SLC27A2: variants seen among roughly 807,000 people sequenced by gnomAD.
SLC27A2 encodes the protein solute carrier family 27 member 2, also known as long-chain fatty acid transport protein 2.
A neutral mutation model predicts 60.0 loss-of-function variants in SLC27A2; 54 were observed. The ratio of observed to expected loss-of-function variants is 0.90; its 90% CI spans 0.72 to 1.13. SLC27A2 has a LOEUF of 1.13. Among genes scored for constraint, SLC27A2 ranks in the 50% most tolerant of loss-of-function variants. The pLI, the probability that SLC27A2 is intolerant of heterozygous loss-of-function variation, is 0.00. For missense variants in SLC27A2, 739 were observed against 777.6 expected (o/e 0.95, Z 0.59); for synonymous variants, 297 against 297.6 (o/e 1.00, Z 0.02).
intron 4 of SLC27A2, among the ~76,000 whole-genome samples, chr15:50,211,946 C>T (rs1053501525): frequency 6.6e-6 from 1 of 151,374 alleles, no homozygotes; most frequent in Non-Finnish European, 1.5e-5. Context: ...TGGCAGGCAC[C>T]TGTAGTCCCA....
intron 8 of SLC27A2, among the ~76,000 whole-genome samples, chr15:50,232,906 G>C (rs1170416570): frequency 1.3e-5 from 2 of 152,118 alleles, no homozygotes; most frequent in Non-Finnish European, 2.9e-5. Flanking sequence ...CGAAAGCTGG[G>C]GCCCAGGTAA....
chr15:50,219,709 A>G (rs906212549), intron 4 of SLC27A2, among the ~76,000 whole-genome samples: 1 of 152,148 alleles, frequency 6.6e-6, no homozygotes, highest in Non-Finnish European at 1.5e-5. Context: ...GTTCTTTAGA[A>G]ACAGGTCAAC....
In SLC27A2 at chr15:50,220,057, C is replaced by T. The variant is rs373671800; in HGVS notation, c.973-2908C>T. 5.9e-5 allele frequency among the ~76,000 whole-genome samples: 9 copies of T among 152,302 alleles called. No individual in the cohort carries two copies. The East Asian group carries it at 1.2e-3, about 20-fold the overall frequency. On this transcript the variant is annotated intron_variant, in intron 4 of 9. Coordinates refer to ENST00000267842, the MANE Select transcript of SLC27A2 (RefSeq NM_003645.4). Reference sequence around the variant, plus strand: ...GAGAACCAGACATCTTAGAAGCCTCCAGGATCTCCCATTTGTGCCCACAAA... The same window carrying T: ...GAGAACCAGACATCTTAGAAGCCTCTAGGATCTCCCATTTGTGCCCACAAA...
intron 2 of SLC27A2, among the ~76,000 whole-genome samples, 173 bp from the exon 3 acceptor site, chr15:50,202,314 C>G (rs1484650933): frequency 6.6e-6 from 1 of 152,232 alleles, no homozygotes; most frequent in African/African-American, 2.4e-5. Context: ...AAAACATTTA[C>G]TCCCTGGTCC....
chr15:50,205,829 T>A (rs2045108048), intron 4 of SLC27A2, among the ~76,000 whole-genome samples: 2 of 152,220 alleles, frequency 1.3e-5, no homozygotes, highest in Non-Finnish European at 2.9e-5. Flanking sequence ...CTTTGATGGC[T>A]GGAACCACAT....
At chr15:50,192,813 A>G (rs1350652653) in intron 1 of SLC27A2, among the ~76,000 whole-genome samples, 2 of 150,998 alleles carry the variant, frequency 1.3e-5, no homozygotes, top group African/African-American at 2.4e-5. Flanking sequence ...AAGAAGAAGT[A>G]CAGAAAAACT....
Position 50,227,146 on chromosome 15 carries a change from C to G in SLC27A2, c.1425C>G (p.Ile475Met). 1 of 1,614,096 alleles carries G rather than the reference C, an allele frequency of 6.2e-7. No individual in the cohort carries two copies. Among genetic ancestry groups the G allele is most frequent in the Non-Finnish European group, 8.5e-7 (1 of 1,179,958 alleles). ...DLLMVDHENFIYFHDRVGDTF... is the reference protein window; with the variant it reads ...DLLMVDHENFMYFHDRVGDTF... ...TAATGGTTGACCATGAAAATTTCATCTATTTCCACGACAGAGTTGGAGATA... is the reference window on the plus strand; with the variant it reads ...TAATGGTTGACCATGAAAATTTCATGTATTTCCACGACAGAGTTGGAGATA... The change falls in exon 7 of 10, where the codon ATC becomes ATG. Residue 475 changes from isoleucine to methionine, a missense_variant. Ile to Met is a conservative substitution (Grantham distance 10). Transcript: ENST00000267842.
rs979915614 is a variant in SLC27A2, at chr15:50,204,458, G to A, written c.848-781G>A. On this transcript the variant is annotated intron_variant, in intron 3 of 9. Coordinates refer to ENST00000267842, the MANE Select transcript of SLC27A2 (RefSeq NM_003645.4). Reference sequence around the variant, plus strand: ...GGCAATAGAGTGAGACCCGGGCCAGGTACGGTGGCTCACGCCTGTAATCTC... The same window carrying A: ...GGCAATAGAGTGAGACCCGGGCCAGATACGGTGGCTCACGCCTGTAATCTC... Among the ~76,000 whole-genome samples the A allele has an allele frequency of 4.0e-5, 6 of 151,686 alleles. No individual in the cohort carries two copies. In the East Asian group the frequency reaches 1.2e-3, roughly 30 times the overall value.
At chr15:50,224,207 G>A (rs573939514) in intron 5 of SLC27A2, among the ~76,000 whole-genome samples, 6 of 152,322 alleles carry the variant, frequency 3.9e-5, no homozygotes, top group Admixed American at 3.9e-4. Flanking sequence ...TTGGGAGGCC[G>A]AGGCAGGTGG....
At chr15:50,194,124 A>G (rs1169000259) in intron 1 of SLC27A2, among the ~76,000 whole-genome samples, 1 of 152,088 alleles carries the variant, frequency 6.6e-6, no homozygotes, top group African/African-American at 2.4e-5. Context: ...CCAGCCTGGG[A>G]GACAGAGCAG....
intron 4 of SLC27A2, chr15:50,222,057 T>C (rs1484598945): frequency 6.6e-6 from 1 of 152,298 alleles, no homozygotes; most frequent in African/African-American, 2.4e-5. Context: ...GACATATTTG[T>C]GGGGTCTCCT....
intron 4 of SLC27A2, among the ~76,000 whole-genome samples, chr15:50,222,430 G>A (rs1449873720): frequency 6.6e-6 from 1 of 152,070 alleles, no homozygotes; most frequent in Non-Finnish European, 1.5e-5. Flanking sequence ...CTCTCTCTCT[G>A]TCGCTCACTG....
At chr15:50,225,962 A>T in intron 5 of SLC27A2, 26 bp from the exon 6 acceptor site, 1 of 1,402,248 alleles carries the variant, frequency 7.1e-7, no homozygotes, top group Non-Finnish European at 1.0e-6. Flanking sequence ...AAAGATTTAT[A>T]CTCAAAATTA....
intron 6 of SLC27A2, 74 bp from the exon 7 acceptor site, chr15:50,226,905 AT>A (rs2045282239): frequency 8.0e-7 from 1 of 1,251,736 alleles, no homozygotes; most frequent in African/African-American, 1.5e-5. Flanking sequence ...GTTGTATGGC[AT>A]TAGTTTTAAG....
intron 1 of SLC27A2, among the ~76,000 whole-genome samples, chr15:50,197,141 C>T (rs2045029609): frequency 1.3e-5 from 2 of 148,784 alleles, no homozygotes; most frequent in Non-Finnish European, 3.0e-5. Context: ...CAAAACCCAA[C>T]CTTCCCTCAA....
chr15:50,184,480 C>T (rs1371262526), intron 1 of SLC27A2, among the ~76,000 whole-genome samples: 2 of 152,150 alleles, frequency 1.3e-5, no homozygotes, highest in Non-Finnish European at 2.9e-5. Context: ...ACACCTGCTT[C>T]ATGTGGCATG....
chr15:50,187,444 G>A (rs2044933464), intron 1 of SLC27A2, among the ~76,000 whole-genome samples: 1 of 152,174 alleles, frequency 6.6e-6, no homozygotes, highest in Non-Finnish European at 1.5e-5. Context: ...CTACAAAAGA[G>A]GCCTGAAATT....
intron 8 of SLC27A2, among the ~76,000 whole-genome samples, chr15:50,232,880 A>C (rs1275735852): frequency 6.6e-6 from 1 of 152,072 alleles, no homozygotes; most frequent in Non-Finnish European, 1.5e-5. Context: ...ACACACAATC[A>C]CCATAGGAGA....
chr15:50,182,349 C>G lies in SLC27A2; in HGVS notation c.-79C>G, dbSNP rs1054911479. 3 of 1,381,222 alleles carry G rather than the reference C, an allele frequency of 2.2e-6. No homozygotes were observed. Among genetic ancestry groups the G allele is most frequent in the Admixed American group, 7.6e-5 (2 of 26,262 alleles). The allele number at this position is 1,381,222 out of a possible 1,614,324, so 85.6% of individuals were successfully genotyped here. ...CCCCGGCGCAGCCCGCCAGTCCGCC[C>G]GGAGCCCGCCCAGTCGCCGCGCTGC... On this transcript the variant is annotated 5_prime_UTR_variant, in exon 1 of 10. Transcript: ENST00000267842.
Sources: allele counts gnomAD v4.1 joint callset (sites outside exome capture counted in the v4.1 genomes callset), GRCh38; gene constraint gnomAD v4.1.1; transcripts MANE v1.5; gene names NCBI Gene and HGNC (gene_info 2026-07-23, HGNC 2026-07-21).